Variants in ZBTB44 observed in about 807,000 individuals in gnomAD.
ZBTB44 encodes zinc finger and BTB domain-containing protein 44.
ZBTB44 carries 15 observed loss-of-function variants against 54.0 expected under a neutral mutation model. The observed-to-expected ratio is 0.28, with a 90% CI of 0.19 to 0.43. ZBTB44 has a LOEUF of 0.43. ZBTB44 is among the 20% of genes least tolerant of loss of function. The pLI, the probability that ZBTB44 is intolerant of heterozygous loss-of-function variation, is 1.00. For missense variants in ZBTB44, 487 were observed against 707.1 expected (o/e 0.69, Z 3.53); for synonymous variants, 230 against 250.1 (o/e 0.92, Z 0.76).
At chr11:130,301,835 G>A (rs1163135246) in intron 1 of ZBTB44, among the ~76,000 whole-genome samples, 3 of 152,196 alleles carry the variant, frequency 2.0e-5, no homozygotes, top group African/African-American at 7.2e-5. Flanking sequence ...GGCTGCTTGA[G>A]CCCAGGAGTT....
intron 2 of ZBTB44, among the ~76,000 whole-genome samples, chr11:130,240,105 G>A (rs1275991962): frequency 6.7e-6 from 1 of 148,598 alleles, no homozygotes; most frequent in Non-Finnish European, 1.5e-5. Flanking sequence ...GCGGTGGCGC[G>A]ATCTCGGCTC....
chr11:130,245,932 C>G (rs1954623917), intron 2 of ZBTB44, among the ~76,000 whole-genome samples: 1 of 152,200 alleles, frequency 6.6e-6, no homozygotes. Context: ...CTTCTTAAAA[C>G]AAATCCATCT....
intron 1 of ZBTB44, among the ~76,000 whole-genome samples, chr11:130,286,084 T>C (rs1005944760): frequency 6.6e-6 from 1 of 152,234 alleles, no homozygotes; most frequent in Admixed American, 6.5e-5. Flanking sequence ...AAAAGATTGA[T>C]GTGGAAAAAT....
chr11:130,312,510 A>C (rs1353134394), intron 1 of ZBTB44, among the ~76,000 whole-genome samples: 1 of 152,230 alleles, frequency 6.6e-6, no homozygotes, highest in East Asian at 1.9e-4. Flanking sequence ...AGTTAATAGG[A>C]AATTCAGGGA....
At chr11:130,283,783 T>C (rs1013678023) in intron 1 of ZBTB44, among the ~76,000 whole-genome samples, 1 of 150,304 alleles carries the variant, frequency 6.7e-6, no homozygotes, top group African/African-American at 2.5e-5. Context: ...CTGGCCAAAA[T>C]GGTGAAATCC....
At chr11:130,279,613 C>T (rs1396366875) in intron 1 of ZBTB44, among the ~76,000 whole-genome samples, 2 of 152,168 alleles carry the variant, frequency 1.3e-5, no homozygotes, top group South Asian at 2.1e-4. Context: ...GAGCTGAGAT[C>T]ATGCCACTGC....
intron 7 of ZBTB44, chr11:130,232,758 T>G (rs1419626353): frequency 6.6e-6 from 1 of 152,322 alleles, no homozygotes; most frequent in African/African-American, 2.4e-5. Context: ...CCCAGCAGTC[T>G]GGGAGGCCAA....
At chr11:130,294,979 G>C (rs561639533) in intron 1 of ZBTB44, among the ~76,000 whole-genome samples, 1 of 152,016 alleles carries the variant, frequency 6.6e-6, no homozygotes, top group African/African-American at 2.4e-5. Flanking sequence ...CTGCATATAC[G>C]CTTTAAAATA....
intron 1 of ZBTB44, among the ~76,000 whole-genome samples, chr11:130,270,826 A>G (rs1224944585): frequency 1.3e-5 from 2 of 152,226 alleles, no homozygotes; most frequent in Non-Finnish European, 2.9e-5. Context: ...AAATGTTTCA[A>G]TTTTGGATAT....
At chr11:130,264,057 G>A (rs1436219836) in intron 1 of ZBTB44, among the ~76,000 whole-genome samples, 1 of 152,186 alleles carries the variant, frequency 6.6e-6, no homozygotes, top group Non-Finnish European at 1.5e-5. Context: ...CTGCATGCTG[G>A]TTCTGCTATT....
chr11:130,259,664 G>A (rs1938708160), intron 2 of ZBTB44, among the ~76,000 whole-genome samples: 1 of 152,152 alleles, frequency 6.6e-6, no homozygotes, highest in African/African-American at 2.4e-5. Flanking sequence ...GGACATGGAT[G>A]AAGCTGGAAA....
chr11:130,274,477 T>C (rs975502910), intron 1 of ZBTB44, among the ~76,000 whole-genome samples: 2 of 152,194 alleles, frequency 1.3e-5, no homozygotes, highest in African/African-American at 2.4e-5. Flanking sequence ...TTATCACTGA[T>C]TATGTTAGCT....
At chr11:130,258,390 A>G (rs1267511181) in intron 2 of ZBTB44, among the ~76,000 whole-genome samples, 1 of 140,396 alleles carries the variant, frequency 7.1e-6, no homozygotes, top group Non-Finnish European at 1.5e-5. Context: ...TCACACCAAG[A>G]TAAGTGCACT....
At chr11:130,309,795 G>T (rs1942483075) in intron 1 of ZBTB44, among the ~76,000 whole-genome samples, 2 of 151,796 alleles carry the variant, frequency 1.3e-5, no homozygotes, top group Admixed American at 1.3e-4. Flanking sequence ...GGGAGGCTGA[G>T]GCAGGAGAAT....
chr11:130,251,459 C>T (rs1372611172), intron 2 of ZBTB44, among the ~76,000 whole-genome samples: 2 of 152,142 alleles, frequency 1.3e-5, no homozygotes, highest in Admixed American at 1.3e-4. Context: ...CATTAAGATA[C>T]TCCTCGAGAA....
intron 1 of ZBTB44, among the ~76,000 whole-genome samples, chr11:130,313,716 T>C (rs1250347010): frequency 2.6e-5 from 4 of 152,156 alleles, no homozygotes; most frequent in African/African-American, 9.7e-5. Context: ...TTTTTGTAAG[T>C]TCCAAAAAAA....
At position 130,260,970 on chromosome 11, in the gene ZBTB44, C is replaced by T; in HGVS notation, c.904G>A (p.Glu302Lys). Reference sequence around the variant, plus strand: ...GATGCACTGACAGGCTGGGACACTTCCTCATGGACCTCCTCATCACTTAAT... The same window carrying T: ...GATGCACTGACAGGCTGGGACACTTTCTCATGGACCTCCTCATCACTTAAT... ...ERLSDEEVHE[E>K]VSQPVSASQS... The change falls in exon 2 of 8, where the codon GAA (glutamate) becomes AAA (lysine). Residue 302 changes from glutamate (E) to lysine (K), a missense_variant. By Grantham distance (56) the Glu-to-Lys change is moderately conservative. Coordinates refer to ENST00000357899, the MANE Select transcript of ZBTB44 (RefSeq NM_001301098.2). 1 of 1,613,998 alleles carries T rather than the reference C, an allele frequency of 6.2e-7. No homozygotes were observed. Among genetic ancestry groups the T allele is most frequent in the Non-Finnish European group, 8.5e-7 (1 of 1,179,898 alleles).
At chr11:130,241,018 G>A (rs1169128377) in intron 2 of ZBTB44, among the ~76,000 whole-genome samples, 3 of 152,154 alleles carry the variant, frequency 2.0e-5, no homozygotes, top group Non-Finnish European at 4.4e-5. Flanking sequence ...GTATTCTTTT[G>A]TCTTGCTTCT....
Position 130,256,071 on chromosome 11 carries a change from C to A in ZBTB44, c.1018+4785G>T, listed in dbSNP as rs185642290. ...ATTCCTAACAACAGAAAAAGAGGGA[C>A]TCCTCCCTAACTCATTTTATGAGGT... On this transcript the variant is annotated intron_variant, in intron 2 of 7. Transcript: ENST00000357899. Among the ~76,000 whole-genome samples the A allele has an allele frequency of 2.8e-3, 431 of 152,186 alleles. 1 individual carries two copies. The highest frequency in any genetic ancestry group is 4.4e-3 in the Non-Finnish European group (297 of 68,000).
Sources: allele counts gnomAD v4.1 joint callset (sites outside exome capture counted in the v4.1 genomes callset), GRCh38; gene constraint gnomAD v4.1.1; transcripts MANE v1.5; gene names NCBI Gene and HGNC (gene_info 2026-07-23, HGNC 2026-07-21).